CASZ1: variants seen among roughly 807,000 people sequenced by gnomAD.
CASZ1 encodes the protein castor zinc finger 1.
In CASZ1, 28 loss-of-function variants were observed where a neutral mutation model predicts 135.2. That is an observed-to-expected ratio of 0.21 (90% confidence interval 0.15 to 0.28). The LOEUF is 0.28. Among genes scored for constraint, CASZ1 ranks in the 10% least tolerant of loss-of-function variants. CASZ1 has a pLI of 1.00. For missense variants in CASZ1, 2,161 were observed against 2,453.3 expected (o/e 0.88, Z 2.52); for synonymous variants, 1,068 against 1,073.4 (o/e 0.99, Z 0.10).
At position 10,693,497 on chromosome 1, in the gene CASZ1, C is replaced by CAAAAAAA. The variant is rs1172496673; in HGVS notation, c.16+370_16+376dup. 8.6e-5 allele frequency among the ~76,000 whole-genome samples: 2 copies of CAAAAAAA among 23,286 alleles called. 1 individual carries two copies. The highest frequency in any genetic ancestry group is 3.6e-4 in the African/African-American group (2 of 5,586). 15.3% of individuals were successfully genotyped at this position (23,286 alleles called of 152,430 possible). On this transcript the variant is annotated intron_variant, in intron 4 of 20. Coordinates refer to ENST00000377022, the MANE Select transcript of CASZ1 (RefSeq NM_001079843.3). The stretch of plus-strand genomic sequence containing the variant: ...GACACACAAAGATCTTTGCAGAGAA[C>CAAAAAAA]AAAAAAAAAAAAAAAAAAAAAAAAA...
intron 2 of CASZ1, among the ~76,000 whole-genome samples, chr1:10,728,975 C>T (rs866582094): frequency 1.3e-5 from 2 of 152,192 alleles, no homozygotes; most frequent in African/African-American, 2.4e-5. Flanking sequence ...GCCTTCCCCC[C>T]CCACTCTCCG....
At chr1:10,645,986 T>C (rs1642352304) in intron 17 of CASZ1, 142 bp downstream of exon 17, 1 of 814,406 alleles carries the variant, frequency 1.2e-6, no homozygotes, top group Non-Finnish European at 2.0e-6. Context: ...TGGTGCTCTT[T>C]CCAGAGTCCG....
At chr1:10,641,411 G>A (rs1160526206) in intron 20 of CASZ1, among the ~76,000 whole-genome samples, 5 of 152,164 alleles carry the variant, frequency 3.3e-5, no homozygotes, top group Admixed American at 6.5e-5. Flanking sequence ...AGAGGAGTCC[G>A]AGCCCGGGTG....
chr1:10,795,379 C>G (rs2100643741), intron 1 of CASZ1, among the ~76,000 whole-genome samples: 1 of 152,350 alleles, frequency 6.6e-6, no homozygotes, highest in Non-Finnish European at 1.5e-5. Context: ...CCTATTTCAG[C>G]CCTGTGCCCT....
chr1:10,764,634 G>T (rs1306368310), intron 1 of CASZ1, among the ~76,000 whole-genome samples: 3 of 152,194 alleles, frequency 2.0e-5, no homozygotes, highest in Non-Finnish European at 4.4e-5. Context: ...CAGGCTCCAA[G>T]GCCCAACTCA....
chr1:10,639,353 G>A lies in CASZ1; in HGVS notation c.4869C>T (p.Gly1623=), dbSNP rs1642117238. The change falls in exon 21 of 21, where the codon GGC becomes GGT. Residue 1623 remains glycine (G), a synonymous_variant. Coordinates refer to ENST00000377022, the MANE Select transcript of CASZ1 (RefSeq NM_001079843.3). This position sits in a 1 kb window ranked among gnomAD's most constrained non-coding sequence, Gnocchi z 4.0. ...GGAAGAGCAGCGAGCCCGGCTCGGC[G>A]CCCAGCGACAGGGAGCCGTCCAGAC... is the stretch of plus-strand genomic sequence containing the variant. ...PISLDGSLSL[G]AEPGSLLFLQ... 2.0e-6 allele frequency: 3 copies of A among 1,516,036 alleles called. No homozygotes were observed. Among genetic ancestry groups the A allele is most frequent in the African/African-American group, 2.8e-5 (2 of 71,354 alleles). The allele number at this position is 1,516,036 out of a possible 1,614,324, so 93.9% of individuals were successfully genotyped here. A position where few individuals can be genotyped will look rare whatever the true frequency, so the allele number is the denominator to read the frequency against.
At chr1:10,742,911 G>A (rs1317828802) in intron 2 of CASZ1, among the ~76,000 whole-genome samples, 1 of 152,064 alleles carries the variant, frequency 6.6e-6, no homozygotes, top group Admixed American at 6.6e-5. Context: ...CTTGAACCCG[G>A]GAGGCAGAGG....
chr1:10,694,497 C>A lies in CASZ1; in HGVS notation c.-23-585G>T, dbSNP rs1237132549. On this transcript the variant is annotated intron_variant, in intron 3 of 20. Coordinates refer to ENST00000377022, the MANE Select transcript of CASZ1 (RefSeq NM_001079843.3). The surrounding 1 kb of genome is among the most constrained non-coding windows in gnomAD (Gnocchi z 6.6). ...GGGCGCGGCCGGGGGCGCTGCCAGG[C>A]GCCGCGGTGATTGGCAGGGCGGCCG... 1 of 156,972 alleles carries A rather than the reference C, an allele frequency of 6.4e-6. No individual in the cohort carries two copies. The highest frequency in any genetic ancestry group is 2.5e-5 in the African/African-American group (1 of 40,628). 9.7% of individuals were successfully genotyped at this position (156,972 alleles called of 1,614,324 possible). A position where few individuals can be genotyped will look rare whatever the true frequency, so the allele number is the denominator to read the frequency against.
At chr1:10,643,087 C>A in intron 19 of CASZ1, 73 bp downstream of exon 19, 1 of 1,596,190 alleles carries the variant, frequency 6.3e-7, no homozygotes, top group Non-Finnish European at 8.6e-7. Flanking sequence ...GCAGCACAGG[C>A]CTGAGAGTGA....
chr1:10,656,685 G>T lies in CASZ1; in HGVS notation c.1461C>A (p.Arg487=). Residue 487 remains arginine, a synonymous_variant, in exon 8 of 21, where the codon CGC becomes CGA. Transcript: ENST00000377022. ...CAGGGTCAAGGCAGTGGTAGTGCTC[G>T]CGGTACTGGTAGGCACAGTGGATGT... ...CGHIHCAYQY[R]EHYHCLDPEC... is the part of the protein sequence containing the mutation. 6.2e-7 allele frequency: 1 copy of T among 1,604,292 alleles called. No homozygotes were observed. The highest frequency in any genetic ancestry group is 8.5e-7 in the Non-Finnish European group (1 of 1,176,290).
At chr1:10,703,200 G>A (rs771002583) in intron 3 of CASZ1, among the ~76,000 whole-genome samples, 23 of 152,282 alleles carry the variant, frequency 1.5e-4, no homozygotes, top group Non-Finnish European at 2.1e-4. Flanking sequence ...CGCAGCTCCC[G>A]TCTCCTTGCC....
In CASZ1 at chr1:10,779,523, G is replaced by C. The variant is rs544649128; in HGVS notation, c.-234+17041C>G. Among the ~76,000 whole-genome samples the C allele has an allele frequency of 1.2e-3, 185 of 152,186 alleles. 3 individuals carry two copies. Among genetic ancestry groups the C allele is most frequent in the African/African-American group, 4.2e-3 (174 of 41,532 alleles). The stretch of plus-strand genomic sequence containing the variant: ...CCTTGCCAGGGCTCCCTGCCGGGCC[G>C]ACACGTTGGCTTTGTTGGTTTTTAA... On this transcript the variant is annotated intron_variant, in intron 1 of 20. Coordinates refer to ENST00000377022, the MANE Select transcript of CASZ1 (RefSeq NM_001079843.3).
At chr1:10,677,394 G>A (rs1416673906) in intron 4 of CASZ1, among the ~76,000 whole-genome samples, 2 of 152,170 alleles carry the variant, frequency 1.3e-5, no homozygotes, top group Non-Finnish European at 2.9e-5. Flanking sequence ...GCCTTCTCAT[G>A]GGTACGTCTA....
intron 12 of CASZ1, 73 bp downstream of exon 12, chr1:10,650,868 G>A: frequency 6.2e-7 from 1 of 1,605,752 alleles, no homozygotes; most frequent in Non-Finnish European, 8.5e-7. Context: ...AACTGCCTGG[G>A]CGGGACCACC....
At chr1:10,708,859 G>A (rs1170545917) in intron 2 of CASZ1, among the ~76,000 whole-genome samples, 1 of 151,798 alleles carries the variant, frequency 6.6e-6, no homozygotes, top group Non-Finnish European at 1.5e-5. Context: ...CCTGCAGGCG[G>A]CTCGGAGTGG....
intron 4 of CASZ1, among the ~76,000 whole-genome samples, chr1:10,665,776 T>C (rs1643216486): frequency 6.6e-6 from 1 of 152,190 alleles, no homozygotes; most frequent in South Asian, 2.1e-4. Flanking sequence ...CACTCTACTT[T>C]CTGAGCCTGG....
intron 1 of CASZ1, among the ~76,000 whole-genome samples, chr1:10,784,961 G>A (rs113175202): frequency 0.012 from 1,793 of 152,246 alleles, 35 homozygotes; most frequent in African/African-American, 0.041. Flanking sequence ...CCTCTCCTCT[G>A]CTCCTTCACG....
intron 4 of CASZ1, among the ~76,000 whole-genome samples, chr1:10,682,932 C>T (rs1382559773): frequency 6.6e-6 from 1 of 152,256 alleles, no homozygotes; most frequent in Non-Finnish European, 1.5e-5. Flanking sequence ...CTTCTTGTGC[C>T]TGGCTCTCCA....
chr1:10,649,699 A>C, intron 13 of CASZ1: 1 of 442,494 alleles, frequency 2.3e-6, no homozygotes, highest in Non-Finnish European at 4.0e-6. Context: ...TCCATCACTC[A>C]AGCCGAGGCC....
Sources: gnomAD v4.1 joint callset for allele counts (sites outside exome capture counted in the v4.1 genomes callset) on GRCh38, gnomAD v4.1.1 for gene constraint, Gnocchi (gnomAD v3.1) non-coding constraint, MANE v1.5 for transcripts, NCBI Gene and HGNC (gene_info 2026-07-23, HGNC 2026-07-21) for gene names.